Variants in COL13A1 observed in about 807,000 individuals in gnomAD.
COL13A1 encodes the protein collagen alpha-1(XIII) chain.
COL13A1 carries 89 observed loss-of-function variants against 130.9 expected under a neutral mutation model. The observed-to-expected ratio is 0.68, with a 90% CI of 0.57 to 0.81. The LOEUF is 0.81. Among genes scored for constraint, COL13A1 ranks in the 30% least tolerant of loss-of-function variants. The pLI is 0.00. For synonymous variants in COL13A1, 402 were observed against 341.6 expected, an observed-to-expected ratio of 1.18 and a Z score of -1.95; for missense variants, 879 against 934.6, an observed-to-expected ratio of 0.94 and a Z score of 0.78.
At chr10:69,958,354 C>T (rs907393235) in intron 40 of COL13A1, among the ~76,000 whole-genome samples, 1 of 152,232 alleles carries the variant, frequency 6.6e-6, no homozygotes, top group Non-Finnish European at 1.5e-5. Flanking sequence ...GCTGCAATGT[C>T]TTGGAGAAGC....
At position 69,952,746 on chromosome 10, in the gene COL13A1, C is replaced by T. The variant is rs3750779; in HGVS notation, c.2059-136C>T. 0.25 allele frequency: 155,773 copies of T among 614,702 alleles called. 21,083 individuals carry two copies. The highest frequency in any genetic ancestry group is 0.3 in the South Asian group (11,726 of 38,920). 38.1% of individuals were successfully genotyped at this position (614,702 alleles called of 1,614,324 possible). ...AGGTGGGTATTGACTCCAAATCCTACTGGGGAGAATATCCTAATTTAAAGC... is the reference window on the plus strand; with the variant it reads ...AGGTGGGTATTGACTCCAAATCCTATTGGGGAGAATATCCTAATTTAAAGC... On this transcript the variant is annotated intron_variant, in intron 38 of 40. Coordinates refer to ENST00000645393, the MANE Select transcript of COL13A1 (RefSeq NM_001368882.1).
intron 2 of COL13A1, among the ~76,000 whole-genome samples, chr10:69,828,153 G>A (rs1370107234): frequency 6.6e-6 from 1 of 152,058 alleles, no homozygotes; most frequent in Non-Finnish European, 1.5e-5. Context: ...AGATCCCCTG[G>A]GGCCAGCCTA....
intron 2 of COL13A1, among the ~76,000 whole-genome samples, chr10:69,841,308 C>A (rs559458718): frequency 6.6e-6 from 1 of 152,168 alleles, no homozygotes; most frequent in Non-Finnish European, 1.5e-5. Context: ...CTGCCACTGC[C>A]GAAAGCTTCC....
At chr10:69,916,824 TCTGG>T (rs1329166265) in intron 17 of COL13A1, among the ~76,000 whole-genome samples, 24 of 152,260 alleles carry the variant, frequency 1.6e-4, no homozygotes, top group African/African-American at 5.8e-4. Flanking sequence ...AGAGCTCCTG[TCTGG>T]CTCAGCCAGA....
intron 2 of COL13A1, among the ~76,000 whole-genome samples, chr10:69,841,683 G>T (rs1486039264): frequency 6.6e-6 from 1 of 152,088 alleles, no homozygotes; most frequent in Non-Finnish European, 1.5e-5. Context: ...CCACCAAAAG[G>T]CAATGCAAGG....
chr10:69,854,381 C>T (rs3998143), intron 2 of COL13A1, among the ~76,000 whole-genome samples: 16,710 of 152,130 alleles, frequency 0.11, 1,028 homozygotes, highest in Middle Eastern at 0.28. Flanking sequence ...GCCTAGGCAA[C>T]ACGGCGAAAC....
At chr10:69,944,971 C>G (rs1040790919) in intron 36 of COL13A1, among the ~76,000 whole-genome samples, 3 of 152,240 alleles carry the variant, frequency 2.0e-5, no homozygotes, top group Non-Finnish European at 4.4e-5. Flanking sequence ...TGGACGTTGG[C>G]CATGTCACAG....
chr10:69,944,687 AAAG>A (rs1344457511), intron 36 of COL13A1, among the ~76,000 whole-genome samples: 1 of 150,312 alleles, frequency 6.7e-6, no homozygotes, highest in Non-Finnish European at 1.5e-5. Flanking sequence ...AAAGAAAAAG[AAAG>A]AAAGAAAGAA....
rs373835220 is a variant in COL13A1, at chr10:69,898,734, C to T, written c.722C>T (p.Pro241Leu). ...PLLNSVRLAP[P>L]PVIKRRTFQG... ...CTCAATTCAGTGCGACTGGCTCCAC[C>T]CCCGGTCATAAAAAGGCGGACGTTC... The change falls in exon 14 of 41, where the codon CCC (proline) becomes CTC (leucine). Residue 241 changes from proline to leucine, a missense_variant. Transcript: ENST00000645393. 5 of 1,613,410 alleles carry T rather than the reference C, an allele frequency of 3.1e-6. No homozygotes were observed. The highest frequency in any genetic ancestry group is 4.5e-5 in the East Asian group (2 of 44,866).
intron 31 of COL13A1, among the ~76,000 whole-genome samples, chr10:69,933,579 C>T (rs1486466598): frequency 6.6e-6 from 1 of 152,092 alleles, no homozygotes; most frequent in Non-Finnish European, 1.5e-5. Flanking sequence ...TTCTCAGTCC[C>T]CATCAGGGTG....
rs991874442 is a variant in COL13A1 at position 69,802,429 on chromosome 10, A to G, written c.6A>G (p.Val2=). ...GGTTCTCAAGACGCGAGAGGATGGT[A>G]GCGGAGCGCACCCACAAAGCGGCAG... M[V]AERTHKAAAT... is the part of the protein sequence containing the mutation. Residue 2 remains valine (V), a synonymous_variant, in exon 1 of 41, where the codon GTA becomes GTG. Coordinates refer to ENST00000645393, the MANE Select transcript of COL13A1 (RefSeq NM_001368882.1). The G allele has an allele frequency of 8.0e-6, 12 of 1,496,864 alleles. No homozygotes were observed. Among genetic ancestry groups the G allele is most frequent in the Admixed American group, 2.6e-5 (1 of 38,752 alleles). 92.7% of individuals were successfully genotyped at this position (1,496,864 alleles called of 1,614,324 possible). A position where few individuals can be genotyped will look rare whatever the true frequency, so the allele number is the denominator to read the frequency against.
chr10:69,920,019 G>A (rs2064424001), intron 21 of COL13A1, among the ~76,000 whole-genome samples: 1 of 152,150 alleles, frequency 6.6e-6, no homozygotes, highest in African/African-American at 2.4e-5. Flanking sequence ...TCTCCACATG[G>A]CCTGCTTCCG....
At chr10:69,942,784 T>C (rs191209018) in intron 35 of COL13A1, among the ~76,000 whole-genome samples, 73 of 152,328 alleles carry the variant, frequency 4.8e-4, no homozygotes, top group African/African-American at 1.6e-3. Flanking sequence ...CAGGAGTTTG[T>C]AGGCCTCCGA....
chr10:69,802,965 G>A (rs1840456781), intron 1 of COL13A1, among the ~76,000 whole-genome samples: 1 of 152,202 alleles, frequency 6.6e-6, no homozygotes, highest in Admixed American at 6.5e-5. Context: ...AGCGCTGGGA[G>A]CGCCCTGGGC....
chr10:69,840,238 TG>T (rs1162429980), intron 2 of COL13A1, among the ~76,000 whole-genome samples: 1 of 152,108 alleles, frequency 6.6e-6, no homozygotes, highest in Non-Finnish European at 1.5e-5. Context: ...GCCCAGGTGC[TG>T]GGGGTCAGGG....
Position 69,919,674 on chromosome 10 carries a change from G to A in COL13A1, c.1036G>A (p.Gly346Arg), listed in dbSNP as rs578079218. The A allele has an allele frequency of 2.2e-4, 89 of 398,824 alleles. 2 individuals are homozygous for A. In the South Asian group the frequency reaches 9.8e-3, roughly 44 times the overall value. The allele number at this position is 398,824 out of a possible 1,614,324, so 24.7% of individuals were successfully genotyped here. A position where few individuals can be genotyped will look rare whatever the true frequency, so the allele number is the denominator to read the frequency against. The change falls in exon 21 of 41, where the codon GGA becomes AGA. Residue 346 changes from glycine to arginine, a missense_variant. Physicochemically the swap from Gly to Arg is moderately radical, Grantham distance 125 (BLOSUM62 -2). Coordinates refer to ENST00000645393, the MANE Select transcript of COL13A1 (RefSeq NM_001368882.1). ...TCTTCTTACCCCAAAGGGAGACCCAGGAGCAGAAGGGAAGCCGGGGCCCCC... is the reference window on the plus strand; with the variant it reads ...TCTTCTTACCCCAAAGGGAGACCCAAGAGCAGAAGGGAAGCCGGGGCCCCC... The part of the protein sequence containing the change: ...PGIPGTKGDP[G>R]AEGKPGPPGL...
At chr10:69,847,891 G>A (rs1037047044) in intron 2 of COL13A1, among the ~76,000 whole-genome samples, 7 of 152,234 alleles carry the variant, frequency 4.6e-5, no homozygotes, top group Non-Finnish European at 1.0e-4. Context: ...CTGGGAGGGA[G>A]GAGTTCCCCT....
chr10:69,822,576 G>C, intron 2 of COL13A1, 138 bp downstream of exon 2: 1 of 623,700 alleles, frequency 1.6e-6, no homozygotes. Context: ...AATATCTGTG[G>C]TTGCCTTCCA....
chr10:69,839,713 C>T (rs1381436688), intron 2 of COL13A1, among the ~76,000 whole-genome samples: 2 of 152,108 alleles, frequency 1.3e-5, no homozygotes, highest in African/African-American at 4.8e-5. Flanking sequence ...GGTGCAAAAT[C>T]CCTGAGGTCG....
Sources: allele counts gnomAD v4.1 joint callset (sites outside exome capture counted in the v4.1 genomes callset), GRCh38; gene constraint gnomAD v4.1.1; transcripts MANE v1.5; gene names NCBI Gene and HGNC (gene_info 2026-07-23, HGNC 2026-07-21).